The following EIF3H variants were observed in gnomAD, a reference collection of about 807,000 sequenced individuals.
EIF3H encodes eIF-3-gamma.
A neutral mutation model predicts 44.2 loss-of-function variants in EIF3H; 26 were observed. That is an observed-to-expected ratio of 0.59 (90% CI 0.43 to 0.82). The LOEUF (loss-of-function observed/expected upper bound fraction) is 0.82, where lower values mean the gene tolerates loss of function less well. Ranked by LOEUF, EIF3H falls within the 40% of genes least tolerant of loss-of-function variation. The probability of loss-of-function intolerance (pLI) is 0.00; values close to 1 mark genes in which losing one functional copy is unlikely to be tolerated. For missense variants in EIF3H, 359 were observed against 432.8 expected (o/e 0.83, Z 1.51); for synonymous variants, 166 against 151.9 (o/e 1.09, Z -0.68).
intron 2 of EIF3H, 58 bp from the exon 3 acceptor site, chr8:116,659,038 T>A (rs1813542048): frequency 6.8e-7 from 1 of 1,465,010 alleles, no homozygotes; most frequent in East Asian, 2.5e-5. Flanking sequence ...GTTACCAACA[T>A]CAAAAACAAG....
chr8:116,697,325 C>A, intron 2 of EIF3H: 1 of 398,254 alleles, frequency 2.5e-6, no homozygotes, highest in Non-Finnish European at 5.0e-6. Context: ...TGCCTGCTTG[C>A]AAACATATGG....
chr8:116,676,504 C>T (rs1813850134), intron 2 of EIF3H, among the ~76,000 whole-genome samples: 1 of 152,218 alleles, frequency 6.6e-6, no homozygotes, highest in Non-Finnish European at 1.5e-5. Flanking sequence ...AACTCACTAA[C>T]TCTCATGAGA....
chr8:116,655,770 T>C (rs1813478442), intron 5 of EIF3H, 86 bp downstream of exon 5: 1 of 1,393,096 alleles, frequency 7.2e-7, no homozygotes, highest in African/African-American at 1.4e-5. Context: ...GTAACTGTTT[T>C]CTTGTTTCAC....
upstream of EIF3H, among the ~76,000 whole-genome samples, chr8:116,756,369 ATT>A (rs949983398): frequency 6.6e-6 from 1 of 152,198 alleles, no homozygotes; most frequent in Non-Finnish European, 1.5e-5. Context: ...TCATGTAGAG[ATT>A]TACCTGAGTA....
At chr8:116,668,441 A>G (rs1813702019) in intron 2 of EIF3H, among the ~76,000 whole-genome samples, 1 of 152,180 alleles carries the variant, frequency 6.6e-6, no homozygotes, top group Non-Finnish European at 1.5e-5. Context: ...GAATTATTCA[A>G]TGCATACAAT....
At chr8:116,720,145 T>C (rs1040016958) in intron 2 of EIF3H, among the ~76,000 whole-genome samples, 2 of 152,216 alleles carry the variant, frequency 1.3e-5, no homozygotes, top group Non-Finnish European at 2.9e-5. Context: ...GTACACAGAA[T>C]ACAATGCCTA....
chr8:116,647,444 A>G (rs190989952), intron 6 of EIF3H, among the ~76,000 whole-genome samples: 1 of 152,366 alleles, frequency 6.6e-6, no homozygotes, highest in East Asian at 1.9e-4. Context: ...CCTTAGCTCT[A>G]TAACTAAAGA....
At chr8:116,706,957 G>A (rs1009732232) in intron 2 of EIF3H, among the ~76,000 whole-genome samples, 5 of 152,190 alleles carry the variant, frequency 3.3e-5, no homozygotes, top group African/African-American at 1.2e-4. Flanking sequence ...ACGTTTGGTA[G>A]GTTAGGTGTA....
upstream of EIF3H, chr8:116,756,167 C>T: frequency 5.8e-6 from 4 of 694,984 alleles, no homozygotes; most frequent in South Asian, 5.5e-5. Context: ...TGTACTAACT[C>T]GCATTATGCA....
chr8:116,765,686 A>G (rs1815564492), exon 1 of EIF3H: 1 of 152,256 alleles, frequency 6.6e-6, no homozygotes, highest in Non-Finnish European at 1.5e-5. Context: ...ACATAAAAAG[A>G]GTACTTGAAA....
intron 2 of EIF3H, among the ~76,000 whole-genome samples, chr8:116,660,082 G>A (rs922167303): frequency 1.3e-5 from 2 of 151,890 alleles, no homozygotes; most frequent in African/African-American, 4.8e-5. Flanking sequence ...GTAGAGATGG[G>A]GTTTCACCAT....
intron 2 of EIF3H, among the ~76,000 whole-genome samples, chr8:116,676,489 CT>C (rs1251634559): frequency 1.3e-5 from 2 of 152,192 alleles, no homozygotes; most frequent in Non-Finnish European, 2.9e-5. Flanking sequence ...ATCAGATCTC[CT>C]GAGAACTCAC....
At chr8:116,668,470 T>TATAC (rs1019967641) in intron 2 of EIF3H, among the ~76,000 whole-genome samples, 1 of 152,202 alleles carries the variant, frequency 6.6e-6, no homozygotes, top group Non-Finnish European at 1.5e-5. Context: ...AGTACATACA[T>TATAC]ATACATACAT....
At chr8:116,688,505 G>A (rs1034917244) in intron 2 of EIF3H, among the ~76,000 whole-genome samples, 7 of 152,010 alleles carry the variant, frequency 4.6e-5, no homozygotes, top group African/African-American at 1.7e-4. Context: ...AGACATAAAA[G>A]ATATACTGTC....
chr8:116,650,775 T>G (rs1369079595), intron 5 of EIF3H, among the ~76,000 whole-genome samples: 1 of 152,110 alleles, frequency 6.6e-6, no homozygotes, highest in Non-Finnish European at 1.5e-5. Flanking sequence ...GCCTCTCGAG[T>G]AGCTGGGACT....
chr8:116,648,181 T>C (rs1314933519), intron 6 of EIF3H, among the ~76,000 whole-genome samples: 1 of 152,142 alleles, frequency 6.6e-6, no homozygotes, highest in Non-Finnish European at 1.5e-5. Flanking sequence ...TCAACTAATC[T>C]ATGAATCAAA....
chr8:116,644,886 C>A lies in EIF3H; in HGVS notation c.*120G>T. ...AGAAAGACACTGTTATAGCCAAAATCGGCAATGACACTAAAGAAATCCTCT... is the reference window on the plus strand; with the variant it reads ...AGAAAGACACTGTTATAGCCAAAATAGGCAATGACACTAAAGAAATCCTCT... On this transcript the variant is annotated 3_prime_UTR_variant, in exon 8 of 8. Transcript: ENST00000521861. 1 of 713,104 alleles carries A rather than the reference C, an allele frequency of 1.4e-6. No individual in the cohort carries two copies. The highest frequency in any genetic ancestry group is 2.3e-6 in the Non-Finnish European group (1 of 431,160). The allele number at this position is 713,104 out of a possible 1,614,324, so 44.2% of individuals were successfully genotyped here. A position where few individuals can be genotyped will look rare whatever the true frequency, so the allele number is the denominator to read the frequency against.
intron 1 of EIF3H, among the ~76,000 whole-genome samples, chr8:116,754,364 G>T (rs1413484579): frequency 3.9e-5 from 6 of 152,124 alleles, no homozygotes; most frequent in Admixed American, 6.5e-5. Context: ...GCCCGCCTCG[G>T]CCTCCCAAAG....
At chr8:116,659,856 A>C (rs1813555010) in intron 2 of EIF3H, among the ~76,000 whole-genome samples, 1 of 152,186 alleles carries the variant, frequency 6.6e-6, no homozygotes, top group South Asian at 2.1e-4. Flanking sequence ...CTTTATAGTC[A>C]ACATAATAGC....
Sources: gnomAD v4.1 joint callset for allele counts (sites outside exome capture counted in the v4.1 genomes callset) on GRCh38, gnomAD v4.1.1 for gene constraint, MANE v1.5 for transcripts, NCBI Gene and HGNC (gene_info 2026-07-23, HGNC 2026-07-21) for gene names.